KAZN: variants seen among roughly 807,000 people sequenced by gnomAD.
The protein encoded by KAZN is kazrin, periplakin interacting protein.
In KAZN, 40 loss-of-function variants were observed where a neutral mutation model predicts 87.4. The ratio of observed to expected loss-of-function variants is 0.46; its 90% CI spans 0.36 to 0.60. The LOEUF is 0.60. Ranked by LOEUF, KAZN falls within the 20% of genes least tolerant of loss-of-function variation. The pLI, the probability that KAZN is intolerant of heterozygous loss-of-function variation, is 0.00. For synonymous variants in KAZN, 466 were observed against 458.3 expected, an observed-to-expected ratio of 1.02 and a Z score of -0.22; for missense variants, 898 against 1,073.9, an observed-to-expected ratio of 0.84 and a Z score of 2.29.
At chr1:14,634,033 T>A (rs78382378) in intron 1 of KAZN, among the ~76,000 whole-genome samples, 29 of 152,224 alleles carry the variant, frequency 1.9e-4, no homozygotes, top group African/African-American at 7.0e-4. Flanking sequence ...GTCCAACAAC[T>A]GCAGAGAGCT....
intron 1 of KAZN, among the ~76,000 whole-genome samples, chr1:14,074,487 A>T (rs1643369284): frequency 6.6e-6 from 1 of 152,142 alleles, no homozygotes; most frequent in Non-Finnish European, 1.5e-5. Flanking sequence ...CCTGGGGAAA[A>T]GCCTGTCGCA....
intron 1 of KAZN, among the ~76,000 whole-genome samples, chr1:14,941,362 A>G (rs1661054235): frequency 6.6e-6 from 1 of 152,006 alleles, no homozygotes; most frequent in Non-Finnish European, 1.5e-5. Flanking sequence ...CAGTATACTC[A>G]CCTCTTGGCA....
intron 2 of KAZN, among the ~76,000 whole-genome samples, chr1:15,032,932 G>A (rs1671875709): frequency 6.6e-6 from 1 of 151,380 alleles, no homozygotes; most frequent in Admixed American, 6.6e-5. Context: ...CTGGGTGACA[G>A]AGCAAGACTC....
intron 1 of KAZN, among the ~76,000 whole-genome samples, chr1:13,966,445 C>T (rs1318171319): frequency 1.3e-5 from 2 of 152,172 alleles, no homozygotes; most frequent in Non-Finnish European, 1.5e-5. Context: ...TGGGGTCCTG[C>T]AGTCTTGATG....
chr1:14,951,931 C>A (rs10927593), intron 1 of KAZN, among the ~76,000 whole-genome samples: 33,438 of 152,188 alleles, frequency 0.22, 6,878 homozygotes, highest in African/African-American at 0.54. Flanking sequence ...CTCACAACCT[C>A]CTAGGTGCTG....
chr1:14,109,296 G>T (rs954620869), intron 1 of KAZN, among the ~76,000 whole-genome samples: 1 of 152,200 alleles, frequency 6.6e-6, no homozygotes, highest in African/African-American at 2.4e-5. Context: ...GTAGCCCTTA[G>T]TATTGGCAAT....
chr1:14,613,467 A>G (rs1042714548), intron 1 of KAZN, among the ~76,000 whole-genome samples: 5 of 152,206 alleles, frequency 3.3e-5, no homozygotes, highest in Admixed American at 6.5e-5. Context: ...TCTGCCATCC[A>G]TATTCCCACT....
intron 2 of KAZN, among the ~76,000 whole-genome samples, chr1:14,406,070 T>C (rs1191938592): frequency 6.6e-6 from 1 of 152,168 alleles, no homozygotes. Context: ...AATAACTTCA[T>C]TGTACATTTT....
chr1:15,023,309 T>A (rs925645956), intron 2 of KAZN, among the ~76,000 whole-genome samples: 2 of 152,104 alleles, frequency 1.3e-5, no homozygotes, highest in Non-Finnish European at 2.9e-5. Context: ...CAGTGTTAAG[T>A]TGGTGGCCAG....
chr1:15,114,309 C>T (rs1171748889), intron 14 of KAZN, 162 bp from the exon 15 acceptor site: 2 of 619,882 alleles, frequency 3.2e-6, no homozygotes, highest in Non-Finnish European at 2.8e-6. Context: ...CTCCCCTCAA[C>T]CTCCCTGAGC....
At chr1:14,011,062 A>G (rs760812051) in intron 1 of KAZN, among the ~76,000 whole-genome samples, 10 of 151,720 alleles carry the variant, frequency 6.6e-5, no homozygotes, top group South Asian at 2.1e-4. Flanking sequence ...ATAGTTCAGC[A>G]TCTGCCCACA....
intron 1 of KAZN, among the ~76,000 whole-genome samples, chr1:14,823,698 G>C (rs767226352): frequency 6.6e-6 from 1 of 152,162 alleles, no homozygotes; most frequent in East Asian, 1.9e-4. Flanking sequence ...GGGACAGATC[G>C]TATAGTGTGT....
chr1:15,083,909 C>A lies in KAZN; in HGVS notation c.1223-10271C>A, dbSNP rs1018790020. ...GGCTGCTCACATAGGTTCTTCTACACTGGGAGGCGGGGAATTCAGGGTTGA... is the reference window on the plus strand; with the variant it reads ...GGCTGCTCACATAGGTTCTTCTACAATGGGAGGCGGGGAATTCAGGGTTGA... On this transcript the variant is annotated intron_variant, in intron 8 of 14. Transcript: ENST00000376030. 4.6e-5 allele frequency among the ~76,000 whole-genome samples: 7 copies of A among 152,332 alleles called. No homozygotes were observed. The South Asian group carries it at 8.3e-4, about 18-fold the overall frequency.
chr1:15,096,549 C>T lies in KAZN; in HGVS notation c.1547+1616C>T, dbSNP rs1386469092. 2.0e-5 allele frequency among the ~76,000 whole-genome samples: 3 copies of T among 152,188 alleles called. No individual in the cohort carries two copies. Among genetic ancestry groups the T allele is most frequent in the Admixed American group, 2.0e-4 (3 of 15,290 alleles). On this transcript the variant is annotated intron_variant, in intron 10 of 14. Transcript: ENST00000376030. This position sits in a 1 kb window ranked among gnomAD's most constrained non-coding sequence, Gnocchi z 4.5. ...CCCTAAATGGGGCTGTCTTAGTCTG[C>T]TTGGGCTGCCATAACAAAATGACAC...
chr1:14,047,831 G>A (rs965831546), intron 1 of KAZN, among the ~76,000 whole-genome samples: 4 of 150,718 alleles, frequency 2.7e-5, no homozygotes, highest in African/African-American at 7.3e-5. Flanking sequence ...TCACACCACT[G>A]CACTCCAGCC....
At chr1:14,052,477 A>T (rs1415279481) in intron 1 of KAZN, among the ~76,000 whole-genome samples, 1 of 152,204 alleles carries the variant, frequency 6.6e-6, no homozygotes, top group Non-Finnish European at 1.5e-5. Context: ...TTTACAATTA[A>T]GATCATACCC....
intron 1 of KAZN, among the ~76,000 whole-genome samples, chr1:14,694,096 G>A (rs1409889474): frequency 6.6e-6 from 1 of 152,236 alleles, no homozygotes; most frequent in African/African-American, 2.4e-5. Context: ...TGGGGCCGTT[G>A]TTTATCGGAC....
At chr1:14,068,118 GT>G (rs1422394530) in intron 1 of KAZN, among the ~76,000 whole-genome samples, 1 of 137,652 alleles carries the variant, frequency 7.3e-6, no homozygotes, top group Admixed American at 7.2e-5. Flanking sequence ...GGGTGTTGAT[GT>G]TCCCCCCCCC....
chr1:14,631,617 G>T (rs752682955), intron 1 of KAZN, among the ~76,000 whole-genome samples: 1 of 152,248 alleles, frequency 6.6e-6, no homozygotes, highest in Non-Finnish European at 1.5e-5. Flanking sequence ...CCCCGCCACG[G>T]TACAGCAGAG....
Sources: gnomAD v4.1 joint callset for allele counts (sites outside exome capture counted in the v4.1 genomes callset) on GRCh38, gnomAD v4.1.1 for gene constraint, Gnocchi (gnomAD v3.1) non-coding constraint, MANE v1.5 for transcripts, NCBI Gene and HGNC (gene_info 2026-07-23, HGNC 2026-07-21) for gene names.